Variants in PPP2R2B observed in about 807,000 individuals in gnomAD.
The protein encoded by PPP2R2B is protein phosphatase 2 regulatory subunit Bbeta.
In PPP2R2B, 5 loss-of-function variants were observed where a neutral mutation model predicts 46.0. That is an observed-to-expected ratio of 0.11 (90% confidence interval 0.06 to 0.23). PPP2R2B has a LOEUF of 0.23. PPP2R2B is among the 10% of genes least tolerant of loss of function. The probability of loss-of-function intolerance (pLI) is 1.00; values close to 1 mark genes in which losing one functional copy is unlikely to be tolerated. For missense variants in PPP2R2B, 367 were observed against 575.0 expected, an observed-to-expected ratio of 0.64 and a Z score of 3.70; for synonymous variants, 215 against 206.7, an observed-to-expected ratio of 1.04 and a Z score of -0.34.
At chr5:147,060,154 T>C (rs2151907101), upstream of PPP2R2B, among the ~76,000 whole-genome samples, 1 of 152,258 alleles carries the variant, frequency 6.6e-6, no homozygotes, top group East Asian at 1.9e-4. Context: ...AAGTGCCATA[T>C]CTCCAGGGAG....
rs868565393 is a variant in PPP2R2B at position 146,724,437 on chromosome 5, G to A, written c.71-23295C>T. Reference sequence around the variant, plus strand: ...CCAAATAAAAGCTTATGCCCTTGATGTTATAATGCAAAGAATTCAGCATAG... The same window carrying A: ...CCAAATAAAAGCTTATGCCCTTGATATTATAATGCAAAGAATTCAGCATAG... On this transcript the variant is annotated intron_variant, in intron 2 of 9. Transcript: ENST00000394411. 8.5e-5 allele frequency among the ~76,000 whole-genome samples: 13 copies of A among 152,186 alleles called. No homozygotes were observed. In the South Asian group the frequency reaches 2.5e-3, roughly 29 times the overall value.
At chr5:146,839,154 G>T (rs996451775) in intron 2 of PPP2R2B, among the ~76,000 whole-genome samples, 2 of 152,158 alleles carry the variant, frequency 1.3e-5, no homozygotes, top group Non-Finnish European at 2.9e-5. Context: ...TCGATCTTGT[G>T]GGGGAGGCAG....
At chr5:146,618,636 GC>G (rs1284547097) in intron 7 of PPP2R2B, among the ~76,000 whole-genome samples, 1 of 152,184 alleles carries the variant, frequency 6.6e-6, no homozygotes, top group Non-Finnish European at 1.5e-5. Context: ...TTCAGCAGCT[GC>G]CCCTATACAG....
At chr5:146,747,862 T>A (rs1395977629) in intron 2 of PPP2R2B, among the ~76,000 whole-genome samples, 3 of 152,172 alleles carry the variant, frequency 2.0e-5, no homozygotes, top group Non-Finnish European at 4.4e-5. Flanking sequence ...GTTGTGAATT[T>A]TTTTTTGGCC....
chr5:146,725,854 C>A (rs917124807), intron 2 of PPP2R2B, among the ~76,000 whole-genome samples: 1 of 152,186 alleles, frequency 6.6e-6, no homozygotes, highest in African/African-American at 2.4e-5. Flanking sequence ...AAGGGCAGGG[C>A]CCATGTCTGT....
chr5:146,860,247 C>T (rs1012465060), intron 2 of PPP2R2B, among the ~76,000 whole-genome samples: 1 of 152,160 alleles, frequency 6.6e-6, no homozygotes, highest in Non-Finnish European at 1.5e-5. Flanking sequence ...TTCCCTGGGC[C>T]TATCAAATTT....
In PPP2R2B at chr5:146,833,760, C is replaced by G. The variant is rs374046956; in HGVS notation, c.70+44242G>C. ...CCTTCCCCATCCCATCCTCCTCCCC[C>G]ACCCCCAGCTGCACAGCTGACAACT... On this transcript the variant is annotated intron_variant, in intron 2 of 9. Transcript: ENST00000394411. Among the ~76,000 whole-genome samples, 39 of 151,926 alleles carry G rather than the reference C, an allele frequency of 2.6e-4. 1 individual carries two copies. The South Asian group carries it at 7.1e-3, about 28-fold the overall frequency.
At chr5:147,046,432 A>G (rs1162189950) in intron 1 of PPP2R2B, among the ~76,000 whole-genome samples, 1 of 152,172 alleles carries the variant, frequency 6.6e-6, no homozygotes. Context: ...CTTTTCTCTC[A>G]GCTCAATCTG....
chr5:146,785,171 T>A (rs766453851), intron 2 of PPP2R2B, among the ~76,000 whole-genome samples: 4 of 152,128 alleles, frequency 2.6e-5, no homozygotes, highest in African/African-American at 7.2e-5. Context: ...CAATCAACCC[T>A]GATGATATAA....
At chr5:147,037,550 G>C (rs144009447) in intron 1 of PPP2R2B, among the ~76,000 whole-genome samples, 1 of 151,940 alleles carries the variant, frequency 6.6e-6, no homozygotes, top group Non-Finnish European at 1.5e-5. Flanking sequence ...CATTCATTTT[G>C]AGAATTTTAC....
intron 2 of PPP2R2B, among the ~76,000 whole-genome samples, chr5:146,829,781 C>A (rs561837196): frequency 1.3e-5 from 2 of 152,246 alleles, no homozygotes; most frequent in Non-Finnish European, 2.9e-5. Context: ...ACGTAACTAC[C>A]CCTACTTTGT....
At chr5:146,932,757 T>G (rs954272946) in intron 1 of PPP2R2B, among the ~76,000 whole-genome samples, 1 of 152,210 alleles carries the variant, frequency 6.6e-6, no homozygotes, top group African/African-American at 2.4e-5. Context: ...CTCCTAGCTT[T>G]CTTCTTCTTT....
At chr5:146,784,643 A>G (rs1755729079) in intron 2 of PPP2R2B, among the ~76,000 whole-genome samples, 1 of 152,192 alleles carries the variant, frequency 6.6e-6, no homozygotes, top group Admixed American at 6.5e-5. Flanking sequence ...ATATACTATT[A>G]AAAGTGCTAG....
chr5:146,909,606 A>G (rs183695680), intron 1 of PPP2R2B, among the ~76,000 whole-genome samples: 33 of 152,376 alleles, frequency 2.2e-4, no homozygotes, highest in East Asian at 1.9e-3. Flanking sequence ...GGCATTCACT[A>G]TCTTAAACTG....
At chr5:146,731,323 G>A (rs1196529971) in intron 2 of PPP2R2B, among the ~76,000 whole-genome samples, 2 of 152,186 alleles carry the variant, frequency 1.3e-5, no homozygotes, top group East Asian at 3.9e-4. Context: ...GATGTTTGCT[G>A]CAGCCTCAGG....
chr5:146,906,104 A>G (rs583240), intron 1 of PPP2R2B, among the ~76,000 whole-genome samples: 74,051 of 151,958 alleles, frequency 0.49, 19,852 homozygotes, highest in East Asian at 0.7. Context: ...TATTTCTAGT[A>G]AAGATATATT....
intron 1 of PPP2R2B, among the ~76,000 whole-genome samples, chr5:146,937,975 CA>C (rs1044229907): frequency 6.6e-6 from 1 of 152,088 alleles, no homozygotes; most frequent in African/African-American, 2.4e-5. Context: ...GAGACTTGAA[CA>C]AAAGTTGAAT....
chr5:147,069,291 A>C (rs562721619), intron 2 of PPP2R2B, among the ~76,000 whole-genome samples: 1 of 152,310 alleles, frequency 6.6e-6, no homozygotes, highest in East Asian at 1.9e-4. Context: ...AAAAGAGTTG[A>C]GTTTAGAGGT....
rs1209029527 is a variant in PPP2R2B, at chr5:147,077,285, C to CAT, written c.50+3773_50+3774insAT. On this transcript the variant is annotated intron_variant, in intron 2 of 10. Coordinates refer to the PPP2R2B transcript ENST00000394413. ...ATATGTATGTGTGTATACACACACA[C>CAT]ACACACACACACACACACACACACA... 7.6e-5 allele frequency among the ~76,000 whole-genome samples: 11 copies of CAT among 144,822 alleles called. No individual in the cohort carries two copies. The East Asian group carries it at 2.1e-3, about 27-fold the overall frequency.
Sources: gnomAD v4.1 joint callset for allele counts (sites outside exome capture counted in the v4.1 genomes callset) on GRCh38, gnomAD v4.1.1 for gene constraint, MANE v1.5 for transcripts, NCBI Gene and HGNC (gene_info 2026-07-23, HGNC 2026-07-21) for gene names.